Variants in CLMP observed in about 807,000 individuals in gnomAD.
CLMP encodes the protein CXADR-like membrane protein.
A neutral mutation model predicts 45.2 loss-of-function variants in CLMP; 27 were observed. That is an observed-to-expected ratio of 0.60 (90% confidence interval 0.44 to 0.82). The LOEUF is 0.82. Among genes scored for constraint, CLMP ranks in the 40% least tolerant of loss-of-function variants. CLMP has a pLI of 0.00. For missense variants in CLMP, 403 were observed against 448.4 expected, an observed-to-expected ratio of 0.90 and a Z score of 0.91; for synonymous variants, 167 against 171.4, an observed-to-expected ratio of 0.97 and a Z score of 0.20.
At chr11:123,177,853 T>C (rs1861718263) in intron 1 of CLMP, among the ~76,000 whole-genome samples, 1 of 152,186 alleles carries the variant, frequency 6.6e-6, no homozygotes, top group African/African-American at 2.4e-5. Context: ...TTTATTTTTA[T>C]TTAATTATTT....
chr11:123,112,342 T>TC lies in CLMP; in HGVS notation c.29-14391_29-14390insG, dbSNP rs551966628. 9.1e-4 allele frequency among the ~76,000 whole-genome samples: 137 copies of TC among 150,688 alleles called. 1 individual carries two copies. The highest frequency in any genetic ancestry group is 3.4e-3 in the Middle Eastern group (1 of 290). ...TCTTTCTTTCTTTTTCTTTTTCTTT[T>TC]TTTTTTTTTTTTGAGACGGAGTTTT... On this transcript the variant is annotated intron_variant, in intron 1 of 6. Transcript: ENST00000448775.
chr11:123,107,613 C>T (rs1017363159), intron 1 of CLMP, among the ~76,000 whole-genome samples: 1 of 150,104 alleles, frequency 6.7e-6, no homozygotes, highest in Non-Finnish European at 1.5e-5. Context: ...CTCAAGCAGT[C>T]CTCCCGCCTC....
intron 1 of CLMP, among the ~76,000 whole-genome samples, chr11:123,117,452 A>G (rs1209221026): frequency 6.6e-6 from 1 of 151,920 alleles, no homozygotes; most frequent in Non-Finnish European, 1.5e-5. Context: ...TTTTAGCCAG[A>G]GTGTTGCCCT....
intron 1 of CLMP, among the ~76,000 whole-genome samples, chr11:123,103,667 A>G (rs1860484902): frequency 6.6e-6 from 1 of 151,776 alleles, no homozygotes; most frequent in Non-Finnish European, 1.5e-5. Context: ...ATTTCTACAG[A>G]TTTCTAAGGT....
rs552983852 is a variant in CLMP at position 123,085,968 on chromosome 11, G to A, written c.187-1255C>T. ...ATTTTTGTATTTTTAGTAGAGCTGG[G>A]GTTTCTCCATGTTGGCCAGGCTGGT... On this transcript the variant is annotated intron_variant, in intron 2 of 6. Transcript: ENST00000448775. Among the ~76,000 whole-genome samples the A allele has an allele frequency of 2.0e-5, 3 of 151,942 alleles. No individual in the cohort carries two copies. In the East Asian group the frequency reaches 5.8e-4, roughly 30 times the overall value.
intron 2 of CLMP, among the ~76,000 whole-genome samples, chr11:123,087,162 AC>A (rs1865874586): frequency 6.6e-6 from 1 of 152,076 alleles, no homozygotes; most frequent in Non-Finnish European, 1.5e-5. Context: ...ACATGGTGAA[AC>A]CCCGTCTCTA....
rs565216138 is a variant in CLMP, at chr11:123,111,833, T to G, written c.29-13881A>C. ...GAACTTTTCCCAGGAAATAGAAACG[T>G]ACACTACTTTAATAACTTAAGATCA... is the stretch of plus-strand genomic sequence containing the variant. On this transcript the variant is annotated intron_variant, in intron 1 of 6. Coordinates refer to ENST00000448775, the MANE Select transcript of CLMP (RefSeq NM_024769.5). Among the ~76,000 whole-genome samples the G allele has an allele frequency of 3.9e-5, 6 of 152,332 alleles. No individual in the cohort carries two copies. In the East Asian group the frequency reaches 1.2e-3, roughly 29 times the overall value.
At chr11:123,114,401 G>T (rs1299327769) in intron 1 of CLMP, among the ~76,000 whole-genome samples, 1 of 151,440 alleles carries the variant, frequency 6.6e-6, no homozygotes, top group Non-Finnish European at 1.5e-5. Flanking sequence ...ATGAAACAAA[G>T]AATTGAAGGA....
rs79564165 is a variant in CLMP, at chr11:123,166,528, G to T, written c.28+28385C>A. On this transcript the variant is annotated intron_variant, in intron 1 of 6. Transcript: ENST00000448775. The stretch of plus-strand genomic sequence containing the variant: ...TTTAAACAAGATGAGAGCAGGCCGT[G>T]TTTGGACTAGAAGGCCCGTGACCCT... 5.3e-4 allele frequency among the ~76,000 whole-genome samples: 81 copies of T among 152,342 alleles called. No homozygotes were observed. The East Asian group carries it at 0.013, about 24-fold the overall frequency.
At position 123,116,127 on chromosome 11, in the gene CLMP, T is replaced by C. The variant is rs144127870; in HGVS notation, c.29-18175A>G. On this transcript the variant is annotated intron_variant, in intron 1 of 6. Coordinates refer to ENST00000448775, the MANE Select transcript of CLMP (RefSeq NM_024769.5). Reference sequence around the variant, plus strand: ...GCAAAAAAGAGCACAAGATGAGACGTCTCAGAGGAGACGTCTAATCTCTGC... The same window carrying C: ...GCAAAAAAGAGCACAAGATGAGACGCCTCAGAGGAGACGTCTAATCTCTGC... Among the ~76,000 whole-genome samples, 1,224 of 151,980 alleles carry C rather than the reference T, an allele frequency of 8.1e-3. 10 individuals are homozygous for C. Among genetic ancestry groups the C allele is most frequent in the Non-Finnish European group, 0.014 (976 of 67,966 alleles).
intron 1 of CLMP, among the ~76,000 whole-genome samples, chr11:123,117,651 T>C (rs1191359824): frequency 1.3e-5 from 2 of 152,088 alleles, no homozygotes; most frequent in African/African-American, 4.8e-5. Flanking sequence ...GGTCTCGAAC[T>C]CCTAACCTCA....
chr11:123,187,021 AACAG>A (rs768696509), intron 1 of CLMP, among the ~76,000 whole-genome samples: 1 of 152,178 alleles, frequency 6.6e-6, no homozygotes, highest in Non-Finnish European at 1.5e-5. Context: ...TGATAATAAC[AACAG>A]ACATTCATTT....
chr11:123,144,030 A>G (rs1049249476), intron 1 of CLMP, among the ~76,000 whole-genome samples: 2 of 152,062 alleles, frequency 1.3e-5, no homozygotes, highest in Non-Finnish European at 2.9e-5. Context: ...GCTGGTCTCA[A>G]ACTCTTGGCC....
intron 1 of CLMP, among the ~76,000 whole-genome samples, chr11:123,146,651 T>C (rs1311550962): frequency 6.6e-6 from 1 of 152,146 alleles, no homozygotes; most frequent in Non-Finnish European, 1.5e-5. Context: ...CATTGGTTCT[T>C]TTTCCATGGG....
At chr11:123,152,651 G>A (rs898944392) in intron 1 of CLMP, among the ~76,000 whole-genome samples, 5 of 152,120 alleles carry the variant, frequency 3.3e-5, no homozygotes, top group Non-Finnish European at 7.3e-5. Context: ...CCAGCTTCCA[G>A]AATTGTGAGA....
chr11:123,121,224 A>G (rs1047117866), intron 1 of CLMP, among the ~76,000 whole-genome samples: 1 of 152,046 alleles, frequency 6.6e-6, no homozygotes, highest in Admixed American at 6.6e-5. Flanking sequence ...GGGATTCCCA[A>G]CGTCAGTGTC....
chr11:123,080,471 G>A (rs939739364), intron 5 of CLMP, among the ~76,000 whole-genome samples: 6 of 152,076 alleles, frequency 3.9e-5, no homozygotes, highest in African/African-American at 1.4e-4. Context: ...GGGATTACGG[G>A]CATGTGCCAC....
chr11:123,180,982 G>C (rs80230679), intron 1 of CLMP, among the ~76,000 whole-genome samples: 3,259 of 152,268 alleles, frequency 0.021, 87 homozygotes, highest in African/African-American at 0.067. Context: ...CTGGGGGCCC[G>C]GGGTGTGTGC....
chr11:123,109,844 C>T (rs1339184706), intron 1 of CLMP, among the ~76,000 whole-genome samples: 1 of 152,114 alleles, frequency 6.6e-6, no homozygotes, highest in African/African-American at 2.4e-5. Flanking sequence ...CTAGCATATC[C>T]AGAGCAACTG....
Sources: allele counts gnomAD v4.1 joint callset (sites outside exome capture counted in the v4.1 genomes callset), GRCh38; gene constraint gnomAD v4.1.1; transcripts MANE v1.5; gene names NCBI Gene and HGNC (gene_info 2026-07-23, HGNC 2026-07-21).